Variants in AK8 observed in about 807,000 individuals in gnomAD.
AK8 encodes adenylate kinase 8, also known as ATP-AMP transphosphorylase 8.
In AK8, 44 loss-of-function variants were observed where a neutral mutation model predicts 54.6. The observed-to-expected ratio is 0.81, with a 90% CI of 0.63 to 1.04. The LOEUF is 1.04. Ranked by LOEUF, AK8 falls within the 50% of genes least tolerant of loss-of-function variation. The probability of loss-of-function intolerance (pLI) is 0.00; values close to 1 mark genes in which losing one functional copy is unlikely to be tolerated. For missense variants in AK8, 555 were observed against 613.6 expected, an observed-to-expected ratio of 0.90 and a Z score of 1.01; for synonymous variants, 239 against 245.6, an observed-to-expected ratio of 0.97 and a Z score of 0.25.
intron 11 of AK8, among the ~76,000 whole-genome samples, chr9:132,748,746 A>C (rs1157217671): frequency 1.3e-5 from 2 of 151,908 alleles, no homozygotes; most frequent in African/African-American, 2.4e-5. Context: ...CTATGAAAAG[A>C]CCAGTTTGCA....
chr9:132,764,886 G>T (rs1191338567), intron 11 of AK8, among the ~76,000 whole-genome samples: 1 of 152,020 alleles, frequency 6.6e-6, no homozygotes, highest in Non-Finnish European at 1.5e-5. Context: ...TAATACCAAG[G>T]CCAGACAAAG....
At chr9:132,761,249 T>TTTTTC (rs368919813) in intron 11 of AK8, among the ~76,000 whole-genome samples, 10 of 145,602 alleles carry the variant, frequency 6.9e-5, no homozygotes, top group South Asian at 6.3e-4. Flanking sequence ...TTCTATTTCT[T>TTTTTC]TTTTCTTTTC....
At chr9:132,829,289 C>T (rs1172786725) in intron 5 of AK8, among the ~76,000 whole-genome samples, 21 of 151,908 alleles carry the variant, frequency 1.4e-4, no homozygotes, top group Non-Finnish European at 1.5e-5. Context: ...CACACAATAG[C>T]GACCACAAGC....
chr9:132,825,404 A>G (rs1841830970), intron 8 of AK8, among the ~76,000 whole-genome samples: 2 of 152,296 alleles, frequency 1.3e-5, no homozygotes, highest in South Asian at 4.2e-4. Context: ...TGAACTTTTA[A>G]ATTTAATTAA....
chr9:132,805,548 G>A lies in AK8; in HGVS notation c.979+9090C>T, dbSNP rs140145282. The stretch of plus-strand genomic sequence containing the variant: ...TGAGCAAAGGCTTTTTGATCTTTTG[G>A]TGACGGGGCTGCCTCCTGGCAAAGC... On this transcript the variant is annotated intron_variant, in intron 10 of 12. Coordinates refer to ENST00000298545, the MANE Select transcript of AK8 (RefSeq NM_152572.3). Among the ~76,000 whole-genome samples, 1,138 of 152,272 alleles carry A rather than the reference G, an allele frequency of 7.5e-3. 11 individuals are homozygous for A. The highest frequency in any genetic ancestry group is 0.015 in the Admixed American group (227 of 15,300).
At chr9:132,831,822 A>G (rs1421915142) in intron 5 of AK8, among the ~76,000 whole-genome samples, 2 of 152,162 alleles carry the variant, frequency 1.3e-5, no homozygotes, top group Non-Finnish European at 2.9e-5. Context: ...TAGGAGGCCA[A>G]GGCAGGAGGA....
chr9:132,878,355 G>A (rs1844251907), upstream of AK8: 8 of 1,258,352 alleles, frequency 6.4e-6, no homozygotes, highest in Admixed American at 3.3e-4. The surrounding 1 kb of genome is among the most constrained non-coding windows in gnomAD (Gnocchi z 4.7). Context: ...TGCAGGCTCC[G>A]CGCCGGGCCC....
rs953513961 is a variant in AK8 at position 132,846,741 on chromosome 9, T to C, written c.402+8116A>G. ...CTTTGAGCTTCTGTCCTGGGCTGCA[T>C]AGCACAGCCCTGGAGCCCCTGGGTC... On this transcript the variant is annotated intron_variant, in intron 5 of 12. Coordinates refer to ENST00000298545, the MANE Select transcript of AK8 (RefSeq NM_152572.3). Among the ~76,000 whole-genome samples the C allele has an allele frequency of 2.6e-5, 4 of 152,280 alleles. No homozygotes were observed. In the East Asian group the frequency reaches 5.8e-4, roughly 22 times the overall value.
At position 132,781,004 on chromosome 9, in the gene AK8, C is replaced by A. The variant is rs909722193; in HGVS notation, c.1121+11630G>T. On this transcript the variant is annotated intron_variant, in intron 11 of 12. Coordinates refer to ENST00000298545, the MANE Select transcript of AK8 (RefSeq NM_152572.3). This position sits in a 1 kb window ranked among gnomAD's most constrained non-coding sequence, Gnocchi z 4.6. ...AGTGGGTCTCATACACGGCAAACTT[C>A]CCAACATCAATCAGAATCCTATACT... Among the ~76,000 whole-genome samples, 4 of 152,120 alleles carry A rather than the reference C, an allele frequency of 2.6e-5. No homozygotes were observed. Among genetic ancestry groups the A allele is most frequent in the Non-Finnish European group, 4.4e-5 (3 of 68,028 alleles).
intron 5 of AK8, among the ~76,000 whole-genome samples, chr9:132,832,965 G>T (rs1202743173): frequency 6.6e-6 from 1 of 152,164 alleles, no homozygotes; most frequent in Non-Finnish European, 1.5e-5. Flanking sequence ...ATCACCTGGG[G>T]ACTAAGAAAC....
rs1435689135 is a variant in AK8 at position 132,799,722 on chromosome 9, T to C, written c.980-6947A>G. On this transcript the variant is annotated intron_variant, in intron 10 of 12. Coordinates refer to ENST00000298545, the MANE Select transcript of AK8 (RefSeq NM_152572.3). This position sits in a 1 kb window ranked among gnomAD's most constrained non-coding sequence, Gnocchi z 5.0. ...CACACCCTCATTACACAAACACATC[T>C]AGCAAACACACCTACATACCTACAC... Among the ~76,000 whole-genome samples the C allele has an allele frequency of 2.0e-5, 3 of 151,986 alleles. No homozygotes were observed. In the East Asian group the frequency reaches 5.8e-4, roughly 29 times the overall value.
chr9:132,827,639 T>A (rs541336200), intron 7 of AK8, among the ~76,000 whole-genome samples: 2 of 151,910 alleles, frequency 1.3e-5, no homozygotes, highest in African/African-American at 4.8e-5. Context: ...TGCTCATGCC[T>A]CTCTCTCCTG....
At chr9:132,797,000 T>C (rs892342239) in intron 10 of AK8, among the ~76,000 whole-genome samples, 2 of 152,012 alleles carry the variant, frequency 1.3e-5, no homozygotes, top group African/African-American at 2.4e-5. Flanking sequence ...GAGGGCCAAA[T>C]TTCCAAAAGA....
intron 5 of AK8, among the ~76,000 whole-genome samples, chr9:132,853,391 G>A (rs1324232786): frequency 6.7e-6 from 1 of 149,038 alleles, no homozygotes; most frequent in Non-Finnish European, 1.5e-5. Flanking sequence ...AAGGAAAAAA[G>A]AAAACTAAAA....
rs1211848857 is a variant in AK8, at chr9:132,837,296, G to A, written c.403-8570C>T. ...ATTGCGCCACTGCACTCCAGCCTGG[G>A]TGACAGAGCAAGACTCCATCTCGAA... On this transcript the variant is annotated intron_variant, in intron 5 of 12. Transcript: ENST00000298545. The surrounding 1 kb of genome is among the most constrained non-coding windows in gnomAD (Gnocchi z 4.3). 1.3e-5 allele frequency among the ~76,000 whole-genome samples: 2 copies of A among 149,934 alleles called. No individual in the cohort carries two copies. The highest frequency in any genetic ancestry group is 6.7e-5 in the Admixed American group (1 of 15,012).
At chr9:132,810,075 A>G (rs1297079900) in intron 10 of AK8, among the ~76,000 whole-genome samples, 2 of 152,242 alleles carry the variant, frequency 1.3e-5, no homozygotes, top group African/African-American at 4.8e-5. Flanking sequence ...TCCACAGCCC[A>G]CTAATGAGAC....
chr9:132,821,392 C>T (rs1489656605), intron 9 of AK8, among the ~76,000 whole-genome samples: 1 of 152,120 alleles, frequency 6.6e-6, no homozygotes, highest in Admixed American at 6.5e-5. Flanking sequence ...CTGGAAATTT[C>T]ATCTTATAAT....
intron 8 of AK8, among the ~76,000 whole-genome samples, chr9:132,824,649 C>T (rs1007873588): frequency 3.3e-5 from 5 of 152,194 alleles, no homozygotes; most frequent in African/African-American, 1.2e-4. Context: ...GCCAAATATC[C>T]CCGGGGTTGC....
chr9:132,774,579 C>G (rs1230412547), intron 11 of AK8, among the ~76,000 whole-genome samples: 2 of 152,106 alleles, frequency 1.3e-5, no homozygotes, highest in Non-Finnish European at 2.9e-5. Context: ...CCGAAGTCCC[C>G]TATGGGTAAA....
Sources: gnomAD v4.1 joint callset for allele counts (sites outside exome capture counted in the v4.1 genomes callset) on GRCh38, gnomAD v4.1.1 for gene constraint, Gnocchi (gnomAD v3.1) non-coding constraint, MANE v1.5 for transcripts, NCBI Gene and HGNC (gene_info 2026-07-23, HGNC 2026-07-21) for gene names.